The following GBE1 variants were observed in gnomAD, a reference collection of about 807,000 sequenced individuals.
GBE1 encodes the protein 1,4-alpha-glucan branching enzyme 1.
Under a neutral mutation model 88.8 loss-of-function variants are expected in GBE1, and 70 were observed. The observed-to-expected ratio is 0.79, with a 90% CI of 0.65 to 0.96. The LOEUF (loss-of-function observed/expected upper bound fraction) is 0.96. GBE1 is among the 40% of genes least tolerant of loss of function. The pLI, the probability that GBE1 is intolerant of heterozygous loss-of-function variation, is 0.00. For missense variants in GBE1, 872 were observed against 871.0 expected, an observed-to-expected ratio of 1.00 and a Z score of -0.01; for synonymous variants, 284 against 300.1, an observed-to-expected ratio of 0.95 and a Z score of 0.56.
chr3:81,637,821 T>C (rs1243900892), intron 7 of GBE1, among the ~76,000 whole-genome samples: 3 of 152,132 alleles, frequency 2.0e-5, no homozygotes, highest in Non-Finnish European at 4.4e-5. Context: ...ATATTTATCA[T>C]TGAGAACTGA....
At chr3:81,724,991 T>C (rs1706087658) in intron 1 of GBE1, among the ~76,000 whole-genome samples, 1 of 152,196 alleles carries the variant, frequency 6.6e-6, no homozygotes, top group Non-Finnish European at 1.5e-5. Flanking sequence ...CTGGACTCAA[T>C]TTTTGGACAC....
chr3:81,747,475 G>A (rs1706432606), intron 1 of GBE1, among the ~76,000 whole-genome samples: 1 of 152,188 alleles, frequency 6.6e-6, no homozygotes, highest in South Asian at 2.1e-4. Context: ...GAGGTCAGGA[G>A]TTGGAGACCA....
At chr3:81,528,128 A>G (rs1419379824) in intron 14 of GBE1, among the ~76,000 whole-genome samples, 2 of 151,430 alleles carry the variant, frequency 1.3e-5, no homozygotes, top group Non-Finnish European at 2.9e-5. Flanking sequence ...CAAAAAACCA[A>G]ACACTGCATG....
intron 14 of GBE1, among the ~76,000 whole-genome samples, chr3:81,517,674 A>G (rs967258466): frequency 1.4e-4 from 21 of 151,484 alleles, no homozygotes; most frequent in Non-Finnish European, 3.0e-5. Flanking sequence ...TAATATATTA[A>G]TTGTGAATTC....
At chr3:81,686,967 T>A (rs554308802) in intron 2 of GBE1, among the ~76,000 whole-genome samples, 1 of 152,288 alleles carries the variant, frequency 6.6e-6, no homozygotes, top group African/African-American at 2.4e-5. Context: ...TTTTGTCACA[T>A]ACTACACGGT....
chr3:81,641,665 A>G (rs1365595656), intron 7 of GBE1, among the ~76,000 whole-genome samples: 3 of 152,062 alleles, frequency 2.0e-5, no homozygotes, highest in Non-Finnish European at 4.4e-5. Flanking sequence ...CTTATCTGGC[A>G]TGAGTGATTC....
At chr3:81,611,500 T>G (rs973522971) in intron 7 of GBE1, among the ~76,000 whole-genome samples, 16 of 152,320 alleles carry the variant, frequency 1.1e-4, no homozygotes, top group African/African-American at 3.8e-4. Context: ...ATCGGCTTTG[T>G]GAGCTTCCAT....
chr3:81,558,554 T>A (rs143542319), intron 12 of GBE1, among the ~76,000 whole-genome samples: 2 of 151,992 alleles, frequency 1.3e-5, no homozygotes, highest in African/African-American at 4.8e-5. Context: ...AATAATTATA[T>A]CAGCTTCTTA....
intron 4 of GBE1, 84 bp downstream of exon 4, chr3:81,649,712 A>T (rs534873761): frequency 1.8e-6 from 2 of 1,128,922 alleles, no homozygotes; most frequent in South Asian, 3.1e-5. Context: ...AGCATTGAAC[A>T]TTACTATAAA....
At chr3:81,695,209 T>C (rs936252521) in intron 2 of GBE1, among the ~76,000 whole-genome samples, 11 of 152,170 alleles carry the variant, frequency 7.2e-5, no homozygotes, top group African/African-American at 2.4e-4. Context: ...ACACACATTT[T>C]CATAACAGTA....
chr3:81,535,763 A>G (rs1703066466), intron 13 of GBE1, among the ~76,000 whole-genome samples: 1 of 152,058 alleles, frequency 6.6e-6, no homozygotes, highest in Non-Finnish European at 1.5e-5. Flanking sequence ...GTAGTTTCTG[A>G]AATTACAGTT....
intron 1 of GBE1, among the ~76,000 whole-genome samples, chr3:81,746,397 G>C (rs1392581998): frequency 6.6e-6 from 1 of 152,104 alleles, no homozygotes; most frequent in African/African-American, 2.4e-5. Context: ...CAAGTAGCTA[G>C]GACTACAGGT....
chr3:81,626,552 G>A (rs1704419230), intron 7 of GBE1, among the ~76,000 whole-genome samples: 1 of 151,914 alleles, frequency 6.6e-6, no homozygotes, highest in East Asian at 1.9e-4. Context: ...TTACACTGAG[G>A]ACCAGAAAAT....
intron 7 of GBE1, among the ~76,000 whole-genome samples, chr3:81,622,095 A>C (rs1256991371): frequency 6.6e-6 from 1 of 152,142 alleles, no homozygotes; most frequent in African/African-American, 2.4e-5. Flanking sequence ...CCACTTTTCT[A>C]CTACTTTGTA....
intron 1 of GBE1, among the ~76,000 whole-genome samples, chr3:81,710,618 G>C (rs537322361): frequency 6.6e-6 from 1 of 151,748 alleles, no homozygotes; most frequent in Non-Finnish European, 1.5e-5. Context: ...TTGGGGGCTC[G>C]GGGGAACCTC....
At position 81,642,966 on chromosome 3, in the gene GBE1, T is replaced by G. The variant is rs760271506; in HGVS notation, c.807A>C (p.Leu269=). 1 of 1,611,428 alleles carries G rather than the reference T, an allele frequency of 6.2e-7. No individual in the cohort carries two copies. Among genetic ancestry groups the G allele is most frequent in the African/African-American group, 1.3e-5 (1 of 74,998 alleles). The change falls in exon 7 of 16, where the codon CTA becomes CTC. Residue 269 remains leucine (L), a synonymous_variant. Transcript: ENST00000429644. ...ASSRYGTPEE[L]QELVDTAHSM... ...AATGAGCTGTGTCTACCAGTTCTTG[T>G]AGCTCTTCAGGTGTTCCATAACGGC... is the stretch of plus-strand genomic sequence containing the variant.
chr3:81,528,807 C>T (rs1489414292), intron 14 of GBE1, among the ~76,000 whole-genome samples: 1 of 151,920 alleles, frequency 6.6e-6, no homozygotes, highest in Non-Finnish European at 1.5e-5. Flanking sequence ...CTGTTTTATG[C>T]TTTCTGTTTG....
chr3:81,565,519 C>T (rs1703480371), intron 12 of GBE1, among the ~76,000 whole-genome samples: 2 of 152,298 alleles, frequency 1.3e-5, no homozygotes. Context: ...TGCAGACTGA[C>T]ACTTAGGACA....
chr3:81,676,362 G>A (rs6767749), intron 2 of GBE1, among the ~76,000 whole-genome samples: 46,403 of 151,714 alleles, frequency 0.31, 7,250 homozygotes, highest in East Asian at 0.45. Flanking sequence ...AACTTTTGGG[G>A]TGGCATATTA....
Sources: allele counts gnomAD v4.1 joint callset (sites outside exome capture counted in the v4.1 genomes callset), GRCh38; gene constraint gnomAD v4.1.1; transcripts MANE v1.5; gene names NCBI Gene and HGNC (gene_info 2026-07-23, HGNC 2026-07-21).